Variants in NALF1 observed in about 807,000 individuals in gnomAD.
The protein encoded by NALF1 is NALCN channel auxiliary factor 1.
Under a neutral mutation model 48.4 loss-of-function variants are expected in NALF1, and 3 were observed. The ratio of observed to expected loss-of-function variants is 0.06; its 90% confidence interval spans 0.03 to 0.16. The LOEUF (loss-of-function observed/expected upper bound fraction) is 0.16, where lower values mean the gene tolerates loss of function less well. NALF1 is among the 10% of genes least tolerant of loss of function. The probability of loss-of-function intolerance (pLI) is 1.00; values close to 1 mark genes in which losing one functional copy is unlikely to be tolerated. For missense variants in NALF1, 526 were observed against 571.5 expected, an observed-to-expected ratio of 0.92 and a Z score of 0.81; for synonymous variants, 262 against 245.7, an observed-to-expected ratio of 1.07 and a Z score of -0.62.
intron 1 of NALF1, among the ~76,000 whole-genome samples, chr13:107,596,946 A>G (rs1878771191): frequency 6.6e-6 from 1 of 152,150 alleles, no homozygotes; most frequent in African/African-American, 2.4e-5. Context: ...AAGGAACTGA[A>G]CTTTTTGAAG....
intron 1 of NALF1, among the ~76,000 whole-genome samples, chr13:107,316,356 A>G (rs1185767664): frequency 2.6e-5 from 3 of 114,776 alleles, no homozygotes; most frequent in African/African-American, 5.8e-5. Flanking sequence ...CGCAATAAAC[A>G]TAAGTGTGCA....
At chr13:107,346,610 G>A (rs939316593) in intron 1 of NALF1, among the ~76,000 whole-genome samples, 2 of 152,178 alleles carry the variant, frequency 1.3e-5, no homozygotes, top group Non-Finnish European at 2.9e-5. Context: ...GCCAGGGTGT[G>A]GGGAGGGGCA....
At chr13:107,737,339 A>T (rs1876495077) in intron 1 of NALF1, among the ~76,000 whole-genome samples, 1 of 152,218 alleles carries the variant, frequency 6.6e-6, no homozygotes, top group African/African-American at 2.4e-5. Flanking sequence ...ACTAAGCCAA[A>T]TTATTTTAAA....
intron 1 of NALF1, among the ~76,000 whole-genome samples, chr13:107,723,089 T>C (rs1876035055): frequency 6.6e-6 from 1 of 152,210 alleles, no homozygotes; most frequent in African/African-American, 2.4e-5. Context: ...TACATCCTGA[T>C]TAATTATTGC....
At position 107,612,629 on chromosome 13, in the gene NALF1, C is replaced by G. The variant is rs144764728; in HGVS notation, c.915+253053G>C. Among the ~76,000 whole-genome samples the G allele has an allele frequency of 3.4e-3, 515 of 152,202 alleles. 2 individuals carry two copies. Among genetic ancestry groups the G allele is most frequent in the Non-Finnish European group, 5.6e-3 (379 of 68,014 alleles). The stretch of plus-strand genomic sequence containing the variant: ...GCAGAGTCAGAGAGAGCTCCTCCTC[C>G]CTGAATGAGGTAGGACATTGCTCCT... On this transcript the variant is annotated intron_variant, in intron 1 of 2. Transcript: ENST00000375915.
intron 1 of NALF1, among the ~76,000 whole-genome samples, chr13:107,786,883 C>T (rs1878090683): frequency 6.6e-6 from 1 of 152,140 alleles, no homozygotes; most frequent in Non-Finnish European, 1.5e-5. Flanking sequence ...GCTACAGGTC[C>T]ACTTCTAGGA....
At chr13:107,651,451 G>A (rs1409303201) in intron 1 of NALF1, among the ~76,000 whole-genome samples, 1 of 152,172 alleles carries the variant, frequency 6.6e-6, no homozygotes, top group African/African-American at 2.4e-5. Flanking sequence ...GACTTGAGTT[G>A]CCTCTTTTTG....
intron 1 of NALF1, among the ~76,000 whole-genome samples, chr13:107,815,528 G>A (rs753454593): frequency 5.9e-5 from 9 of 152,146 alleles, no homozygotes; most frequent in Non-Finnish European, 1.2e-4. Context: ...CAAGGAGAAT[G>A]TGAAGAGATG....
chr13:107,561,465 T>G (rs977005120), intron 1 of NALF1, among the ~76,000 whole-genome samples: 6 of 152,242 alleles, frequency 3.9e-5, no homozygotes, highest in Admixed American at 2.6e-4. Context: ...AACAAATAAC[T>G]ATTATTTGTC....
At chr13:107,595,066 C>T (rs1594148980) in intron 1 of NALF1, among the ~76,000 whole-genome samples, 1 of 152,044 alleles carries the variant, frequency 6.6e-6, no homozygotes, top group East Asian at 1.9e-4. Context: ...TACAGATACA[C>T]ACATAGTTAG....
At chr13:107,863,794 GA>G (rs1880640064) in intron 1 of NALF1, among the ~76,000 whole-genome samples, 1 of 152,070 alleles carries the variant, frequency 6.6e-6, no homozygotes, top group South Asian at 2.1e-4. Context: ...AGGTTAAGGG[GA>G]AAGAAAACTT....
chr13:107,800,380 G>T (rs1878568911), intron 1 of NALF1, among the ~76,000 whole-genome samples: 1 of 151,656 alleles, frequency 6.6e-6, no homozygotes, highest in Admixed American at 6.6e-5. Context: ...CAGGAGTTCT[G>T]TCATGATTTA....
chr13:107,590,160 CATAAAG>C (rs1421256619), intron 1 of NALF1, among the ~76,000 whole-genome samples: 1 of 151,766 alleles, frequency 6.6e-6, no homozygotes, highest in Non-Finnish European at 1.5e-5. Flanking sequence ...TTATTTAGCA[CATAAAG>C]ATAAATGAAA....
Position 107,170,329 on chromosome 13 carries a change from C to G in NALF1, c.*168G>C, listed in dbSNP as rs1284132810. 6 of 576,608 alleles carry G rather than the reference C, an allele frequency of 1.0e-5. No individual in the cohort carries two copies. Among genetic ancestry groups the G allele is most frequent in the Non-Finnish European group, 1.8e-5 (6 of 333,390 alleles). The allele number at this position is 576,608 out of a possible 1,614,324, so 35.7% of individuals were successfully genotyped here. ...TTCCAGCCTTTTAGTCAATAAAAAG[C>G]TGTGGTTGTGTCCTTGTTTGGATTC... On this transcript the variant is annotated 3_prime_UTR_variant, in exon 3 of 3. Coordinates refer to ENST00000375915, the MANE Select transcript of NALF1 (RefSeq NM_001080396.3).
intron 1 of NALF1, among the ~76,000 whole-genome samples, chr13:107,244,212 A>G (rs4771562): frequency 0.99 from 150,796 of 152,328 alleles, 74,663 homozygotes; most frequent in Middle Eastern, 1. Context: ...AAAGTTTGGA[A>G]TTTTATAAAA....
intron 1 of NALF1, among the ~76,000 whole-genome samples, chr13:107,412,862 C>T (rs900712206): frequency 5.9e-5 from 9 of 152,188 alleles, no homozygotes; most frequent in African/African-American, 2.2e-4. Context: ...GAATTTTAGA[C>T]TGCATGAACT....
intron 2 of NALF1, among the ~76,000 whole-genome samples, chr13:107,172,044 T>G (rs911871496): frequency 6.6e-6 from 1 of 152,176 alleles, no homozygotes; most frequent in African/African-American, 2.4e-5. Context: ...GGCTCACTGC[T>G]CAATGTTCCC....
At chr13:107,298,406 A>G (rs1018906849) in intron 1 of NALF1, among the ~76,000 whole-genome samples, 4 of 149,904 alleles carry the variant, frequency 2.7e-5, no homozygotes, top group Non-Finnish European at 5.9e-5. Flanking sequence ...ACACACATAC[A>G]TATACACGTT....
chr13:107,570,489 T>C (rs930263647), intron 1 of NALF1, among the ~76,000 whole-genome samples: 23 of 151,770 alleles, frequency 1.5e-4, no homozygotes, highest in Non-Finnish European at 1.2e-4. Flanking sequence ...ATGGATTAGA[T>C]TGATTTTCAA....
Sources: gnomAD v4.1 joint callset for allele counts (sites outside exome capture counted in the v4.1 genomes callset) on GRCh38, gnomAD v4.1.1 for gene constraint, MANE v1.5 for transcripts, NCBI Gene and HGNC (gene_info 2026-07-23, HGNC 2026-07-21) for gene names.